The following DNAH5 variants were observed in gnomAD, a reference collection of about 807,000 sequenced individuals.
DNAH5 encodes the protein dynein axonemal heavy chain 5.
DNAH5 carries 372 observed loss-of-function variants against 518.2 expected under a neutral mutation model. That is an observed-to-expected ratio of 0.72 (90% CI 0.66 to 0.78). The LOEUF is 0.78. DNAH5 is among the 30% of genes least tolerant of loss of function. The pLI is 0.00. For missense variants in DNAH5, 5,523 were observed against 5,687.0 expected (o/e 0.97, Z 0.93); for synonymous variants, 2,039 against 2,025.9 (o/e 1.01, Z -0.17).
At chr5:13,739,881 A>C (rs192717187) in intron 65 of DNAH5, among the ~76,000 whole-genome samples, 1 of 152,286 alleles carries the variant, frequency 6.6e-6, no homozygotes, top group East Asian at 1.9e-4. Context: ...TGTTTTAAAC[A>C]GTATCGCTAT....
chr5:13,834,849 G>A lies in DNAH5; in HGVS notation c.5883-4074C>T, dbSNP rs186085342. Among the ~76,000 whole-genome samples the A allele has an allele frequency of 8.5e-4, 130 of 152,356 alleles. 1 individual carries two copies. Among genetic ancestry groups the A allele is most frequent in the Admixed American group, 4.6e-3 (70 of 15,310 alleles). ...AGGCCTCACAGGCCCACGTGAGGAC[G>A]TTGGCTTTTACTTTGCATGAGAAGG... On this transcript the variant is annotated intron_variant, in intron 35 of 78. Transcript: ENST00000265104.
intron 75 of DNAH5, among the ~76,000 whole-genome samples, chr5:13,713,830 A>G (rs1233625015): frequency 6.6e-6 from 1 of 151,896 alleles, no homozygotes; most frequent in Non-Finnish European, 1.5e-5. Flanking sequence ...TACCCCAATA[A>G]CTCATGAAAA....
intron 65 of DNAH5, among the ~76,000 whole-genome samples, chr5:13,744,508 A>T (rs935903496): frequency 1.3e-5 from 2 of 152,070 alleles, no homozygotes; most frequent in Non-Finnish European, 2.9e-5. Context: ...CAACATACAG[A>T]AATGATCAAT....
intron 1 of DNAH5, among the ~76,000 whole-genome samples, chr5:13,962,526 G>GT (rs1241770151): frequency 6.6e-6 from 1 of 152,128 alleles, no homozygotes; most frequent in Non-Finnish European, 1.5e-5. Context: ...CCTAAAAATT[G>GT]TAAGACATTT....
chr5:13,960,052 A>G (rs930521238), intron 1 of DNAH5, among the ~76,000 whole-genome samples: 2 of 151,952 alleles, frequency 1.3e-5, no homozygotes, highest in Non-Finnish European at 2.9e-5. Flanking sequence ...AAATGCAAAG[A>G]CAAGAATAGA....
chr5:13,800,970 G>C (rs1758658553), intron 47 of DNAH5, among the ~76,000 whole-genome samples: 1 of 152,066 alleles, frequency 6.6e-6, no homozygotes, highest in Admixed American at 6.6e-5. Flanking sequence ...TGTCTAGAAG[G>C]GTGTCTGGTA....
intron 1 of DNAH5, among the ~76,000 whole-genome samples, chr5:13,953,143 A>G (rs555043617): frequency 2.4e-4 from 37 of 152,346 alleles, no homozygotes; most frequent in African/African-American, 7.0e-4. Context: ...AGACTAAATT[A>G]TAGAAACTCT....
chr5:13,963,333 T>C (rs188479613), intron 1 of DNAH5, among the ~76,000 whole-genome samples: 16 of 152,224 alleles, frequency 1.1e-4, no homozygotes, highest in African/African-American at 3.9e-4. Flanking sequence ...ATCCCAGCAC[T>C]TTGGGAGGCC....
At chr5:13,740,750 C>T (rs1748391424) in intron 65 of DNAH5, among the ~76,000 whole-genome samples, 1 of 152,150 alleles carries the variant, frequency 6.6e-6, no homozygotes, top group South Asian at 2.1e-4. Flanking sequence ...CACTCTCTTC[C>T]CTTATTCAAG....
intron 70 of DNAH5, among the ~76,000 whole-genome samples, chr5:13,725,399 G>A (rs1350966427): frequency 6.6e-6 from 1 of 152,210 alleles, no homozygotes; most frequent in Non-Finnish European, 1.5e-5. Flanking sequence ...GCAAGTCACT[G>A]GCTAGGGACA....
At chr5:13,959,324 A>G (rs183090341) in intron 1 of DNAH5, among the ~76,000 whole-genome samples, 180 of 152,336 alleles carry the variant, frequency 1.2e-3, no homozygotes, top group African/African-American at 4.3e-3. Context: ...TTTGAATATA[A>G]TGAATCCCAC....
rs1740656922 is a variant in DNAH5 at position 13,691,156 on chromosome 5, T to C, written c.*828A>G. 1 of 152,240 alleles carries C rather than the reference T, an allele frequency of 6.6e-6. No homozygotes were observed. The highest frequency in any genetic ancestry group is 6.5e-5 in the Admixed American group (1 of 15,288). 9.4% of individuals were successfully genotyped at this position (152,240 alleles called of 1,614,324 possible). On this transcript the variant is annotated 3_prime_UTR_variant, in exon 79 of 79. Transcript: ENST00000265104. The stretch of plus-strand genomic sequence containing the variant: ...CATTTTTTTCTGTTATTAAATGCAA[T>C]TTTATATAGACTGTTTTCAGTCTTT...
intron 1 of DNAH5, among the ~76,000 whole-genome samples, chr5:14,011,384 C>T (rs530640398): frequency 6.6e-6 from 1 of 152,186 alleles, no homozygotes; most frequent in African/African-American, 2.4e-5. Context: ...TTTTGCATTT[C>T]GGGGTGCCCT....
chr5:13,920,643 C>T, intron 5 of DNAH5, 26 bp from the exon 6 acceptor site: 1 of 1,613,418 alleles, frequency 6.2e-7, no homozygotes, highest in Non-Finnish European at 8.5e-7. Flanking sequence ...ATTAAATAAT[C>T]AGATGATGCT....
chr5:13,949,615 A>G (rs945070847), upstream of DNAH5, among the ~76,000 whole-genome samples: 1 of 152,252 alleles, frequency 6.6e-6, no homozygotes, highest in Non-Finnish European at 1.5e-5. Context: ...AAGCTGATGC[A>G]TTTAGAGTAA....
At chr5:13,771,208 T>A in intron 55 of DNAH5, 9 of 532,202 alleles carry the variant, frequency 1.7e-5, no homozygotes, top group Non-Finnish European at 1.4e-5. Context: ...CTATCAACAC[T>A]CTTTGTTGCC....
chr5:13,942,605 G>A lies in DNAH5; in HGVS notation c.57+1777C>T, dbSNP rs116128478. Among the ~76,000 whole-genome samples, 473 of 152,236 alleles carry A rather than the reference G, an allele frequency of 3.1e-3. 5 individuals are homozygous for A. The highest frequency in any genetic ancestry group is 0.011 in the African/African-American group (447 of 41,538). On this transcript the variant is annotated intron_variant, in intron 1 of 78. Coordinates refer to ENST00000265104, the MANE Select transcript of DNAH5 (RefSeq NM_001369.3). ...AGAGGGTACTCAATATCTGATCACC[G>A]TCAGTCGCTGATTGGGTTCCTCATC... is the stretch of plus-strand genomic sequence containing the variant.
At chr5:13,920,352 C>T (rs1476794542) in intron 6 of DNAH5, 128 bp downstream of exon 6, 1 of 1,262,244 alleles carries the variant, frequency 7.9e-7, no homozygotes, top group East Asian at 2.3e-5. Context: ...CACATTGGAC[C>T]TCTCACCTCC....
chr5:13,923,231 T>C, intron 4 of DNAH5, 49 bp downstream of exon 4: 1 of 1,605,214 alleles, frequency 6.2e-7, no homozygotes, highest in Non-Finnish European at 8.5e-7. Context: ...TGTGTGCAAG[T>C]TGTGTGTTTT....
Sources: gnomAD v4.1 joint callset for allele counts (sites outside exome capture counted in the v4.1 genomes callset) on GRCh38, gnomAD v4.1.1 for gene constraint, MANE v1.5 for transcripts, NCBI Gene and HGNC (gene_info 2026-07-23, HGNC 2026-07-21) for gene names.